CDHR2: variants seen among roughly 807,000 people sequenced by gnomAD.
CDHR2 encodes cadherin-related family member 2.
CDHR2 carries 104 observed loss-of-function variants against 138.6 expected under a neutral mutation model. The ratio of observed to expected loss-of-function variants is 0.75; its 90% CI spans 0.64 to 0.88. The LOEUF (loss-of-function observed/expected upper bound fraction) is 0.88. Among genes scored for constraint, CDHR2 ranks in the 40% least tolerant of loss-of-function variants. The probability of loss-of-function intolerance (pLI) is 0.00; values close to 1 mark genes in which losing one functional copy is unlikely to be tolerated. For missense variants in CDHR2, 1,624 were observed against 1,727.6 expected (o/e 0.94, Z 1.06); for synonymous variants, 755 against 742.8 (o/e 1.02, Z -0.27).
intron 21 of CDHR2, among the ~76,000 whole-genome samples, chr5:176,588,459 G>A (rs900797554): frequency 7.3e-6 from 1 of 137,614 alleles, no homozygotes; most frequent in African/African-American, 2.9e-5. Context: ...GTGAGAGGGT[G>A]TGTGAGTGTA....
chr5:176,556,454 C>T (rs1053238790), intron 1 of CDHR2, among the ~76,000 whole-genome samples: 1 of 152,164 alleles, frequency 6.6e-6, no homozygotes, highest in Non-Finnish European at 1.5e-5. Context: ...ATCACAAGGT[C>T]AGGAGATCGA....
chr5:176,576,092 G>C lies in CDHR2; in HGVS notation c.1101G>C (p.Glu367Asp), dbSNP rs77520184. Residue 367 changes from glutamate (E) to aspartate (D), a missense_variant, in exon 12 of 32, where the codon GAG (glutamate) becomes GAC (aspartate). Physicochemically the swap from Glu to Asp is conservative, Grantham distance 45 (BLOSUM62 2). This residue lies in a region of CDHR2 where 1,061 missense variants were observed against 1,136.6 expected (regional missense o/e 0.93). Coordinates refer to ENST00000261944, the MANE Select transcript of CDHR2 (RefSeq NM_017675.6). This position sits in a 1 kb window ranked among gnomAD's most constrained non-coding sequence, Gnocchi z 4.5. ...SLPACTFTPE[E>D]AQVNFTGYVD... ...CAGCCTGCACCTTCACCCCCGAAGA[G>C]GCCCAAGTGAACTTCACTGGCTACG... 911 of 1,614,162 alleles carry C rather than the reference G, an allele frequency of 5.6e-4. 5 individuals are homozygous for C. In the African/African-American group the frequency reaches 0.01, roughly 19 times the overall value.
rs1288368382 is a variant in CDHR2, at chr5:176,590,276, A to G, written c.3299A>G (p.Asp1100Gly). Reference protein sequence around the residue: ...AARARPHSYLDAYFVFPNGSA... With the variant: ...AARARPHSYLGAYFVFPNGSA... ...AGGGCCCGACCTCACTCCTACCTCG[A>G]TGCCTACTTTGTCTTCCCCAATGGG... The change falls in exon 26 of 32, where the codon GAT becomes GGT. Residue 1100 changes from aspartate (D) to glycine (G), a missense_variant. By Grantham distance (94) the Asp-to-Gly change is moderately conservative. Transcript: ENST00000261944. The G allele has an allele frequency of 6.2e-7, 1 of 1,614,002 alleles. No homozygotes were observed. Among genetic ancestry groups the G allele is most frequent in the East Asian group, 2.2e-5 (1 of 44,880 alleles).
chr5:176,590,609 G>C lies in CDHR2; in HGVS notation c.3461G>C (p.Ser1154Thr). 3 of 1,614,076 alleles carry C rather than the reference G, an allele frequency of 1.9e-6. No individual in the cohort carries two copies. The highest frequency in any genetic ancestry group is 2.5e-6 in the Non-Finnish European group (3 of 1,180,006). ...TCAGACCTGTCGAAACAGCTCATCA[G>C]TGTCATCATAGGATTGGGAGTGGCT... ...QESDLSKQLI[S>T]VIIGLGVALL... Residue 1154 changes from serine (S) to threonine (T), a missense_variant, in exon 28 of 32, where the codon AGT becomes ACT. Ser to Thr is a moderately conservative substitution (Grantham distance 58). This residue lies in a region of CDHR2 where 556 missense variants were observed against 565.7 expected (regional missense o/e 0.98). Transcript: ENST00000261944.
intron 31 of CDHR2, among the ~76,000 whole-genome samples, chr5:176,594,444 G>C (rs968693243): frequency 6.6e-6 from 1 of 152,186 alleles, no homozygotes; most frequent in African/African-American, 2.4e-5. Flanking sequence ...TGAGTGGCTG[G>C]AGAGATTATC....
intron 6 of CDHR2, among the ~76,000 whole-genome samples, chr5:176,573,457 C>T (rs868775727): frequency 3.3e-5 from 5 of 150,954 alleles, no homozygotes; most frequent in South Asian, 2.1e-4. Flanking sequence ...CTGGCCAACA[C>T]GGTGAAACCC....
At chr5:176,557,699 T>C (rs1757868055) in intron 1 of CDHR2, among the ~76,000 whole-genome samples, 1 of 149,340 alleles carries the variant, frequency 6.7e-6, no homozygotes, top group African/African-American at 2.5e-5. Context: ...TCTTTCTTTC[T>C]TTCTTTCTTT....
At position 176,584,721 on chromosome 5, in the gene CDHR2, C is replaced by T. The variant is rs375697523; in HGVS notation, c.2440C>T (p.Arg814Trp). The T allele has an allele frequency of 3.3e-5, 53 of 1,614,070 alleles. No homozygotes were observed. The East Asian group carries it at 6.2e-4, about 19-fold the overall frequency. ...NPPTLDVASLRGIRVAENGSQ... is the reference protein window; with the variant it reads ...NPPTLDVASLWGIRVAENGSQ... ...CCCCACCCTGGATGTAGCCTCACTC[C>T]GGGGCATCCGTGTGGCTGAGAATGG... is the stretch of plus-strand genomic sequence containing the variant. Residue 814 changes from arginine (R) to tryptophan (W), a missense_variant, in exon 19 of 32, where the codon CGG becomes TGG. This residue lies in a region of CDHR2 where 1,061 missense variants were observed against 1,136.6 expected (regional missense o/e 0.93). Coordinates refer to ENST00000261944, the MANE Select transcript of CDHR2 (RefSeq NM_017675.6).
rs1344202418 is a variant in CDHR2, at chr5:176,543,702, C to G, written c.-16+933C>G. ...CGGAGAGTGTGTCCCCTCCCCCAGCCCCGGTGGGCGCGGAGGTAGCTAATA... is the reference window on the plus strand; with the variant it reads ...CGGAGAGTGTGTCCCCTCCCCCAGCGCCGGTGGGCGCGGAGGTAGCTAATA... On this transcript the variant is annotated intron_variant, in intron 1 of 31. Transcript: ENST00000510636. This position sits in a 1 kb window ranked among gnomAD's most constrained non-coding sequence, Gnocchi z 4.0. 3 of 152,252 alleles carry G rather than the reference C, an allele frequency of 2.0e-5. No homozygotes were observed. Among genetic ancestry groups the G allele is most frequent in the Non-Finnish European group, 2.9e-5 (2 of 68,084 alleles). The allele number at this position is 152,252 out of a possible 1,614,324, so 9.4% of individuals were successfully genotyped here. A position where few individuals can be genotyped will look rare whatever the true frequency, so the allele number is the denominator to read the frequency against.
chr5:176,555,882 CA>C (rs1214088921), intron 1 of CDHR2, among the ~76,000 whole-genome samples: 1 of 150,334 alleles, frequency 6.7e-6, no homozygotes, highest in East Asian at 2.0e-4. Context: ...GCCTGGGAGA[CA>C]GAGTAAGACT....
chr5:176,573,488 A>T (rs1420817416), intron 6 of CDHR2, among the ~76,000 whole-genome samples: 3 of 148,036 alleles, frequency 2.0e-5, no homozygotes, highest in South Asian at 2.2e-4. Context: ...AAAAATATAT[A>T]TAAAAAAAAT....
At position 176,581,435 on chromosome 5, in the gene CDHR2, T is replaced by C; in HGVS notation, c.1911T>C (p.Pro637=). ...ACAGCCACAACTTCTCCTTGGACCCTGACACAGGGCTCCTCAGAAACCTGG... is the reference window on the plus strand; with the variant it reads ...ACAGCCACAACTTCTCCTTGGACCCCGACACAGGGCTCCTCAGAAACCTGG... ...GPYSHNFSLD[P]DTGLLRNLGP... The change falls in exon 17 of 32, where the codon CCT becomes CCC. Residue 637 remains proline, a synonymous_variant. Transcript: ENST00000261944. 1 of 1,614,152 alleles carries C rather than the reference T, an allele frequency of 6.2e-7. No individual in the cohort carries two copies. Among genetic ancestry groups the C allele is most frequent in the Non-Finnish European group, 8.5e-7 (1 of 1,180,024 alleles).
rs574939980 is a variant in CDHR2, at chr5:176,584,178, C to T, written c.2059-12C>T. 6.2e-7 allele frequency: 1 copy of T among 1,613,046 alleles called. No individual in the cohort carries two copies. The highest frequency in any genetic ancestry group is 2.2e-5 in the East Asian group (1 of 44,872). ...TTGGATCCCGGGGACTCAGACCTGT[C>T]TCTGACTGCAGGACATCAATGATAA... is the stretch of plus-strand genomic sequence containing the variant. On this transcript the variant is annotated splice_polypyrimidine_tract_variant and intron_variant, in intron 17 of 31. Coordinates refer to ENST00000261944, the MANE Select transcript of CDHR2 (RefSeq NM_017675.6).
intron 3 of CDHR2, 63 bp from the exon 4 acceptor site, chr5:176,568,615 C>G: frequency 1.3e-6 from 2 of 1,581,812 alleles, no homozygotes; most frequent in East Asian, 2.2e-5. Context: ...TCACAGCCAG[C>G]TTGGCCAGAC....
At chr5:176,577,260 C>G (rs1389710447) in intron 12 of CDHR2, 139 bp from the exon 13 acceptor site, 3 of 927,268 alleles carry the variant, frequency 3.2e-6, no homozygotes, top group Non-Finnish European at 3.2e-6. Flanking sequence ...CCTGCACCCT[C>G]TCTCGCAGTC....
At chr5:176,558,382 ATTT>A (rs568355994) in intron 1 of CDHR2, among the ~76,000 whole-genome samples, 5 of 120,692 alleles carry the variant, frequency 4.1e-5, no homozygotes, top group African/African-American at 9.4e-5. Flanking sequence ...TGCCCAGCTA[ATTT>A]TTTTTTTTTT....
chr5:176,573,907 C>A (rs181246344), intron 6 of CDHR2, among the ~76,000 whole-genome samples, 176 bp from the exon 7 acceptor site: 144 of 152,240 alleles, frequency 9.5e-4, no homozygotes, highest in Non-Finnish European at 1.8e-3. Context: ...GAGGGAGATC[C>A]TCTCTGCCGC....
chr5:176,549,619 A>ACCT (rs1757660176), intron 1 of CDHR2, among the ~76,000 whole-genome samples: 1 of 151,898 alleles, frequency 6.6e-6, no homozygotes, highest in Non-Finnish European at 1.5e-5. Flanking sequence ...GGATAATAAT[A>ACCT]CCTCCTTCCC....
chr5:176,575,672 G>A (rs985995103), intron 10 of CDHR2, 52 bp from the exon 11 acceptor site: 35 of 1,597,394 alleles, frequency 2.2e-5, no homozygotes, highest in East Asian at 9.0e-5. Context: ...CTGGGGCTCC[G>A]TCAGAGCCAC....
Sources: gnomAD v4.1 joint callset for allele counts (sites outside exome capture counted in the v4.1 genomes callset) on GRCh38, gnomAD v4.1.1 for gene constraint, gnomAD v4.1.1 regional missense constraint, Gnocchi (gnomAD v3.1) non-coding constraint, MANE v1.5 for transcripts, NCBI Gene and HGNC (gene_info 2026-07-23, HGNC 2026-07-21) for gene names.